Variants in DIAPH3 observed in about 807,000 individuals in gnomAD.
The protein encoded by DIAPH3 is protein diaphanous homolog 3.
In DIAPH3, 117 loss-of-function variants were observed where a neutral mutation model predicts 144.3. The ratio of observed to expected loss-of-function variants is 0.81; its 90% CI spans 0.70 to 0.95. The LOEUF (loss-of-function observed/expected upper bound fraction) is 0.95, where lower values mean the gene tolerates loss of function less well. Among genes scored for constraint, DIAPH3 ranks in the 40% least tolerant of loss-of-function variants. The pLI is 0.00. For missense variants in DIAPH3, 1,421 were observed against 1,412.7 expected (o/e 1.01, Z -0.09); for synonymous variants, 519 against 488.9 (o/e 1.06, Z -0.81).
chr13:59,741,219 T>A (rs1292755241), intron 27 of DIAPH3, among the ~76,000 whole-genome samples: 1 of 152,216 alleles, frequency 6.6e-6, no homozygotes, highest in Non-Finnish European at 1.5e-5. Flanking sequence ...GGAAGCTTTT[T>A]TCTTGAGTTT....
chr13:60,140,413 T>C (rs2059400483), intron 1 of DIAPH3, among the ~76,000 whole-genome samples: 1 of 152,190 alleles, frequency 6.6e-6, no homozygotes, highest in Non-Finnish European at 1.5e-5. Context: ...TAGCTAGAAC[T>C]GTAATCAGCC....
At chr13:59,889,100 T>C (rs1024942226) in intron 20 of DIAPH3, among the ~76,000 whole-genome samples, 5 of 152,034 alleles carry the variant, frequency 3.3e-5, no homozygotes, top group African/African-American at 1.2e-4. Flanking sequence ...TTTCTCTTTA[T>C]ATTTTTCCTA....
intron 1 of DIAPH3, among the ~76,000 whole-genome samples, chr13:60,154,049 G>A (rs1488406134): frequency 6.6e-6 from 1 of 152,060 alleles, no homozygotes; most frequent in East Asian, 1.9e-4. Flanking sequence ...TGGTATGCCA[G>A]GATAAGAACT....
intron 5 of DIAPH3, among the ~76,000 whole-genome samples, chr13:60,039,248 A>G (rs1244977363): frequency 6.6e-6 from 1 of 151,878 alleles, no homozygotes; most frequent in Non-Finnish European, 1.5e-5. Flanking sequence ...ACATATCCAG[A>G]GCCAAGAGGG....
intron 18 of DIAPH3, 74 bp downstream of exon 18, chr13:59,924,701 G>T: frequency 6.5e-7 from 1 of 1,528,058 alleles, no homozygotes; most frequent in Non-Finnish European, 8.8e-7. Flanking sequence ...ATGAATAATC[G>T]GTCTTAAAGA....
At chr13:59,947,180 C>T (rs545518368) in intron 17 of DIAPH3, among the ~76,000 whole-genome samples, 1 of 152,266 alleles carries the variant, frequency 6.6e-6, no homozygotes, top group Non-Finnish European at 1.5e-5. Flanking sequence ...TAATAACTCG[C>T]TGATAATTGT....
chr13:59,988,381 G>A (rs2051571838), intron 12 of DIAPH3, among the ~76,000 whole-genome samples: 2 of 151,754 alleles, frequency 1.3e-5, no homozygotes, highest in Non-Finnish European at 2.9e-5. Context: ...TTATTCTAAT[G>A]TTTTTAAAAT....
At chr13:59,974,163 G>A (rs2140613573) in intron 15 of DIAPH3, among the ~76,000 whole-genome samples, 189 bp downstream of exon 15, 1 of 152,020 alleles carries the variant, frequency 6.6e-6, no homozygotes, top group Admixed American at 6.6e-5. Context: ...AGATTAATTA[G>A]TAAAAGCTTA....
intron 5 of DIAPH3, among the ~76,000 whole-genome samples, chr13:60,033,080 C>T (rs1157577082): frequency 6.6e-6 from 1 of 152,220 alleles, no homozygotes; most frequent in African/African-American, 2.4e-5. Flanking sequence ...CTAAGGCATA[C>T]CATGCATGAC....
intron 25 of DIAPH3, among the ~76,000 whole-genome samples, chr13:59,780,892 T>G (rs930994953): frequency 2.6e-5 from 4 of 152,184 alleles, no homozygotes; most frequent in African/African-American, 4.8e-5. Flanking sequence ...AATTCGGGCC[T>G]CAAATTCAGA....
intron 27 of DIAPH3, among the ~76,000 whole-genome samples, chr13:59,749,128 C>A (rs1036486066): frequency 7.6e-6 from 1 of 132,438 alleles, no homozygotes; most frequent in African/African-American, 2.8e-5. Context: ...GCAGGAGAAT[C>A]GCTTGTGCCC....
At chr13:59,981,638 CCTT>C (rs1391890353) in intron 13 of DIAPH3, among the ~76,000 whole-genome samples, 1 of 150,690 alleles carries the variant, frequency 6.6e-6, no homozygotes, top group Non-Finnish European at 1.5e-5. Context: ...ATATGTTATC[CCTT>C]CTTTTTTATT....
chr13:60,079,172 C>T (rs2057466437), intron 4 of DIAPH3, among the ~76,000 whole-genome samples: 2 of 151,886 alleles, frequency 1.3e-5, no homozygotes, highest in South Asian at 4.1e-4. Context: ...TTCTATGACC[C>T]CATTGGGGAA....
intron 3 of DIAPH3, among the ~76,000 whole-genome samples, chr13:60,103,147 G>A (rs1425517912): frequency 4.6e-5 from 7 of 151,802 alleles, no homozygotes; most frequent in Non-Finnish European, 2.9e-5. Flanking sequence ...CATTTTATTA[G>A]CAAAACCGAG....
At chr13:60,066,145 A>G (rs11839545) in intron 4 of DIAPH3, among the ~76,000 whole-genome samples, 5,674 of 152,224 alleles carry the variant, frequency 0.037, 166 homozygotes, top group East Asian at 0.1. Flanking sequence ...ATGAAAGTAA[A>G]TTGGTTTATC....
chr13:59,811,164 A>G (rs2040453305), intron 24 of DIAPH3, among the ~76,000 whole-genome samples: 4 of 152,150 alleles, frequency 2.6e-5, no homozygotes, highest in African/African-American at 9.7e-5. Flanking sequence ...CCACATCTTG[A>G]TGGAATTAAC....
At chr13:59,971,219 T>A in intron 15 of DIAPH3, 59 bp from the exon 16 acceptor site, 1 of 1,481,210 alleles carries the variant, frequency 6.8e-7, no homozygotes, top group Non-Finnish European at 9.1e-7. Context: ...CATGTAAATA[T>A]GCACTTTACT....
At chr13:60,149,593 A>T (rs1399023418) in intron 1 of DIAPH3, among the ~76,000 whole-genome samples, 7 of 152,038 alleles carry the variant, frequency 4.6e-5, no homozygotes, top group Non-Finnish European at 1.0e-4. Flanking sequence ...TCTATAAAAT[A>T]TAAATAAATA....
intron 4 of DIAPH3, among the ~76,000 whole-genome samples, chr13:60,079,611 C>T (rs1357353786): frequency 1.3e-5 from 2 of 151,646 alleles, no homozygotes; most frequent in Non-Finnish European, 2.9e-5. Context: ...CTACTCAAAA[C>T]ATACACAAAA....
Sources: allele counts gnomAD v4.1 joint callset (sites outside exome capture counted in the v4.1 genomes callset), GRCh38; gene constraint gnomAD v4.1.1; transcripts MANE v1.5; gene names NCBI Gene and HGNC (gene_info 2026-07-23, HGNC 2026-07-21).